RGS12: variants seen among roughly 807,000 people sequenced by gnomAD.
RGS12 encodes the protein regulator of G protein signaling 12, also known as regulator of G-protein signaling 12.
RGS12 carries 66 observed loss-of-function variants against 120.1 expected under a neutral mutation model. The ratio of observed to expected loss-of-function variants is 0.55; its 90% CI spans 0.45 to 0.67. RGS12 has a LOEUF of 0.67. RGS12 is among the 30% of genes least tolerant of loss of function. The pLI is 0.00. For missense variants in RGS12, 1,859 were observed against 1,957.7 expected (o/e 0.95, Z 0.95); for synonymous variants, 827 against 804.7 (o/e 1.03, Z -0.47).
At chr4:3,393,031 T>C (rs970987193) in intron 4 of RGS12, among the ~76,000 whole-genome samples, 1 of 152,188 alleles carries the variant, frequency 6.6e-6, no homozygotes, top group Non-Finnish European at 1.5e-5. Flanking sequence ...TTATAAGACA[T>C]GTAAAGCCCT....
chr4:3,353,265 G>A (rs1332292246), intron 3 of RGS12, among the ~76,000 whole-genome samples: 1 of 152,216 alleles, frequency 6.6e-6, no homozygotes, highest in East Asian at 1.9e-4. Flanking sequence ...CTATGTGAGA[G>A]TGAACTGAGT....
chr4:3,431,757 C>T (rs1301315745), intron 17 of RGS12: 1 of 985,550 alleles, frequency 1.0e-6, no homozygotes, highest in Non-Finnish European at 1.2e-6. Flanking sequence ...GGAGTGTGCT[C>T]AGGGGTGCGT....
intron 3 of RGS12, among the ~76,000 whole-genome samples, chr4:3,350,567 A>C (rs1372330846): frequency 2.0e-5 from 3 of 152,186 alleles, no homozygotes; most frequent in East Asian, 3.8e-4. Context: ...CTGTAGTCCC[A>C]GCTACTCAAG....
At position 3,428,634 on chromosome 4, in the gene RGS12, G is replaced by A. The variant is rs774321500; in HGVS notation, c.3488G>A (p.Arg1163Gln). Residue 1163 changes from arginine (R) to glutamine (Q), a missense_variant, in exon 16 of 18, where the codon CGG becomes CAG. Transcript: ENST00000336727. ...AATGGAAAAAATGCTAGGGATCCCC[G>A]GCTTTCAAAGAGAGAAGAATCTATT... ...GENGKNARDP[R>Q]LSKREESIAK... 5.0e-6 allele frequency: 8 copies of A among 1,604,952 alleles called. No homozygotes were observed. The highest frequency in any genetic ancestry group is 6.8e-6 in the Non-Finnish European group (8 of 1,176,814).
At chr4:3,397,575 G>C (rs1240927582) in intron 4 of RGS12, among the ~76,000 whole-genome samples, 1 of 152,234 alleles carries the variant, frequency 6.6e-6, no homozygotes, top group African/African-American at 2.4e-5. Flanking sequence ...AGGCAGCTCG[G>C]AGGATGAGGG....
intron 1 of RGS12, among the ~76,000 whole-genome samples, chr4:3,304,313 G>T (rs912636790): frequency 6.6e-6 from 1 of 152,168 alleles, no homozygotes; most frequent in Non-Finnish European, 1.5e-5. Flanking sequence ...TCATAATGTT[G>T]GTGGCTGCTG....
Position 3,317,544 on chromosome 4 carries a change from C to T in RGS12, c.1374C>T (p.Asp458=), listed in dbSNP as rs10006362. ...SRHGPGGSAW[D]GVGGRGAQPW... ...ACGGCCCCGGAGGCAGCGCGTGGGA[C>T]GGTGTGGGTGGGAGGGGTGCCCAGC... Residue 458 remains aspartate, a synonymous_variant, in exon 2 of 18, where the codon GAC becomes GAT. Coordinates refer to ENST00000336727, the MANE Select transcript of RGS12 (RefSeq NM_001394154.1). The T allele has an allele frequency of 0.26, 426,383 of 1,609,282 alleles. 57,304 individuals carry two copies. Among genetic ancestry groups the T allele is most frequent in the African/African-American group, 0.32 (24,264 of 74,968 alleles).
intron 4 of RGS12, among the ~76,000 whole-genome samples, chr4:3,399,598 C>T (rs1308388246): frequency 6.6e-6 from 1 of 152,188 alleles, no homozygotes; most frequent in East Asian, 1.9e-4. Context: ...ACCGGACAAT[C>T]TTTAGGAAAA....
At chr4:3,322,128 G>C (rs1725242602) in intron 2 of RGS12, among the ~76,000 whole-genome samples, 1 of 152,190 alleles carries the variant, frequency 6.6e-6, no homozygotes, top group Non-Finnish European at 1.5e-5. Flanking sequence ...GTGAAAGCCT[G>C]GGGACCAGCG....
intron 15 of RGS12, 64 bp downstream of exon 15, chr4:3,428,233 C>A: frequency 7.1e-7 from 1 of 1,406,112 alleles, no homozygotes; most frequent in Non-Finnish European, 1.0e-6. Context: ...GCCTGCCCTG[C>A]GCAGTGCCCT....
At chr4:3,348,621 G>T (rs1016196000) in intron 3 of RGS12, among the ~76,000 whole-genome samples, 1 of 152,122 alleles carries the variant, frequency 6.6e-6, no homozygotes, top group Non-Finnish European at 1.5e-5. Context: ...GAAGTTTTCT[G>T]GTTCCATGGA....
intron 9 of RGS12, 76 bp from the exon 10 acceptor site, chr4:3,420,566 G>A: frequency 6.9e-7 from 1 of 1,459,724 alleles, no homozygotes; most frequent in Non-Finnish European, 9.6e-7. Context: ...CAGCCTAAAG[G>A]GGGCAGAGGG....
In RGS12 at chr4:3,317,787, G is replaced by A. The variant is rs367607365; in HGVS notation, c.1617G>A (p.Pro539=). The A allele has an allele frequency of 2.1e-5, 34 of 1,613,262 alleles. No individual in the cohort carries two copies. The highest frequency in any genetic ancestry group is 2.0e-4 in the African/African-American group (15 of 74,938). Reference sequence around the variant, plus strand: ...GTGGTTTCAACCAGCGCTGGCTCCCGGTCCACGTGCTCCGGGAGTGGCAGT... The same window carrying A: ...GTGGTTTCAACCAGCGCTGGCTCCCAGTCCACGTGCTCCGGGAGTGGCAGT... ...AGCGFNQRWL[P]VHVLREWQCG... Residue 539 remains proline, a synonymous_variant, in exon 2 of 18, where the codon CCG becomes CCA. Transcript: ENST00000336727.
At chr4:3,288,684 C>T (rs1315064058), upstream of RGS12, among the ~76,000 whole-genome samples, 1 of 152,160 alleles carries the variant, frequency 6.6e-6, no homozygotes, top group Non-Finnish European at 1.5e-5. The surrounding 1 kb of genome is among the most constrained non-coding windows in gnomAD (Gnocchi z 5.2). Flanking sequence ...CAAGGGAAGG[C>T]TAGGGAAACA....
intron 9 of RGS12, among the ~76,000 whole-genome samples, chr4:3,420,161 C>T (rs572644029): frequency 6.6e-4 from 100 of 152,262 alleles, no homozygotes; most frequent in Non-Finnish European, 1.1e-3. Context: ...GGACGTGGAC[C>T]GAGTGGGTCT....
intron 17 of RGS12, 157 bp downstream of exon 17, chr4:3,431,112 G>A (rs1346780989): frequency 7.0e-7 from 1 of 1,438,400 alleles, no homozygotes; most frequent in Non-Finnish European, 9.1e-7. Context: ...TGGCCCTCTT[G>A]GAAAGGAGGG....
intron 10 of RGS12, 134 bp from the exon 11 acceptor site, chr4:3,422,242 G>A: frequency 6.6e-6 from 5 of 753,850 alleles, no homozygotes; most frequent in South Asian, 5.4e-5. Flanking sequence ...CACCTGGGGA[G>A]CTGCAGGTGG....
At chr4:3,296,344 G>A (rs1723380865) in intron 1 of RGS12, among the ~76,000 whole-genome samples, 1 of 151,672 alleles carries the variant, frequency 6.6e-6, no homozygotes, top group Non-Finnish European at 1.5e-5. Flanking sequence ...ACCATGCCCA[G>A]CTAATTTTTT....
intron 1 of RGS12, among the ~76,000 whole-genome samples, chr4:3,294,394 C>T (rs550163797): frequency 2.0e-5 from 3 of 152,274 alleles, no homozygotes; most frequent in African/African-American, 7.2e-5. Flanking sequence ...GAGAAGGCGA[C>T]GTGGGGAGGG....
Sources: allele counts gnomAD v4.1 joint callset (sites outside exome capture counted in the v4.1 genomes callset), GRCh38; gene constraint gnomAD v4.1.1; non-coding constraint Gnocchi (gnomAD v3.1); transcripts MANE v1.5; gene names NCBI Gene and HGNC (gene_info 2026-07-23, HGNC 2026-07-21).